GOSR1: variants seen among roughly 807,000 people sequenced by gnomAD.
GOSR1 encodes the protein 28 kDa Golgi SNARE protein.
Under a neutral mutation model 35.5 loss-of-function variants are expected in GOSR1, and 21 were observed. The observed-to-expected ratio is 0.59, with a 90% CI of 0.42 to 0.85. The LOEUF is 0.85. Among genes scored for constraint, GOSR1 ranks in the 40% least tolerant of loss-of-function variants. The pLI, the probability that GOSR1 is intolerant of heterozygous loss-of-function variation, is 0.00. For missense variants in GOSR1, 285 were observed against 309.6 expected (o/e 0.92, Z 0.60); for synonymous variants, 94 against 106.6 (o/e 0.88, Z 0.73).
chr17:30,520,069 G>A (rs1169421395), intron 8 of GOSR1, 48 bp downstream of exon 8: 3 of 1,206,978 alleles, frequency 2.5e-6, no homozygotes, highest in South Asian at 1.2e-5. Flanking sequence ...GTAGAGGGGA[G>A]AAGTGTCTGT....
chr17:30,484,315 G>A lies in GOSR1; in HGVS notation c.234+14G>A, dbSNP rs1439019604. The A allele has an allele frequency of 2.1e-6, 3 of 1,421,874 alleles. No homozygotes were observed. Among genetic ancestry groups the A allele is most frequent in the Non-Finnish European group, 3.0e-6 (3 of 1,004,686 alleles). The allele number at this position is 1,421,874 out of a possible 1,614,324, so 88.1% of individuals were successfully genotyped here. On this transcript the variant is annotated intron_variant, in intron 3 of 8. Coordinates refer to ENST00000451249, the MANE Select transcript of GOSR1 (RefSeq NM_001007025.2). Reference sequence around the variant, plus strand: ...CTTTTGGCAAGGGTAAGTGCTTTCTGTTAAATGGCTATTTTGCAAATAACT... The same window carrying A: ...CTTTTGGCAAGGGTAAGTGCTTTCTATTAAATGGCTATTTTGCAAATAACT...
At chr17:30,485,104 G>A (rs1157097547) in intron 4 of GOSR1, 2 of 352,818 alleles carry the variant, frequency 5.7e-6, no homozygotes, top group Non-Finnish European at 1.1e-5. Context: ...GGGTAAGCGT[G>A]TACTTTCAGC....
chr17:30,494,665 C>T (rs894742591), intron 6 of GOSR1, among the ~76,000 whole-genome samples: 20 of 151,498 alleles, frequency 1.3e-4, no homozygotes, highest in South Asian at 2.1e-4. Context: ...TGGAGTGTCG[C>T]GGTGTGATCT....
chr17:30,518,409 A>G (rs950233859), intron 7 of GOSR1, among the ~76,000 whole-genome samples: 4 of 149,448 alleles, frequency 2.7e-5, no homozygotes, highest in Non-Finnish European at 5.9e-5. Flanking sequence ...TCTCACCATC[A>G]TCTTCCCCAA....
At position 30,522,333 on chromosome 17, in the gene GOSR1, T is replaced by C. The variant is rs1266753622; in HGVS notation, c.702T>C (p.Val234=). 6.2e-7 allele frequency: 1 copy of C among 1,609,990 alleles called. No individual in the cohort carries two copies. Among genetic ancestry groups the C allele is most frequent in the East Asian group, 2.2e-5 (1 of 44,710 alleles). ...GGGACTCGCTCATCCTAGGGGGTGT[T>C]ATTGGGATCTGTACCATCCTGTTGC... ...KRRDSLILGG[V]IGICTILLLL... The change falls in exon 9 of 9, where the codon GTT becomes GTC. Residue 234 remains valine (V), a synonymous_variant. Transcript: ENST00000451249.
chr17:30,486,291 C>T (rs897661074), intron 4 of GOSR1, among the ~76,000 whole-genome samples: 5 of 151,416 alleles, frequency 3.3e-5, no homozygotes, highest in African/African-American at 4.8e-5. Flanking sequence ...CTGAGGTGGG[C>T]GGATCATTTG....
intron 6 of GOSR1, among the ~76,000 whole-genome samples, chr17:30,506,795 T>C (rs1341494267): frequency 6.6e-6 from 1 of 152,236 alleles, no homozygotes; most frequent in Non-Finnish European, 1.5e-5. Flanking sequence ...GCTGACTGTC[T>C]TTTTAGGTGC....
At chr17:30,482,785 C>T (rs778798343) in intron 2 of GOSR1, 1 of 152,226 alleles carries the variant, frequency 6.6e-6, no homozygotes, top group Non-Finnish European at 1.5e-5. Context: ...AAATAGATTG[C>T]ATTGCTTTGG....
rs1968172943 is a variant in GOSR1 at position 30,525,770 on chromosome 17, G to A, written c.*3392G>A. On this transcript the variant is annotated 3_prime_UTR_variant, in exon 9 of 9. Transcript: ENST00000451249. ...TGATGGCTGATGGGCCTTTCCATTA[G>A]GGTTTTGCTTATGTGAAGTAATGGA... The A allele has an allele frequency of 6.6e-6, 1 of 152,108 alleles. No individual in the cohort carries two copies. The highest frequency in any genetic ancestry group is 6.5e-5 in the Admixed American group (1 of 15,284). The allele number at this position is 152,108 out of a possible 1,614,324, so 9.4% of individuals were successfully genotyped here.
rs1360727177 is a variant in GOSR1, at chr17:30,523,969, G to C, written c.*1591G>C. On this transcript the variant is annotated 3_prime_UTR_variant, in exon 9 of 9. Coordinates refer to ENST00000451249, the MANE Select transcript of GOSR1 (RefSeq NM_001007025.2). ...TGCTGTGTCCACTCAGGGTTAAATG[G>C]ATTAAGGGTGGTGCAAGATGTGCTT... 5.1e-6 allele frequency: 1 copy of C among 194,374 alleles called. No homozygotes were observed. Among genetic ancestry groups the C allele is most frequent in the African/African-American group, 2.4e-5 (1 of 41,464 alleles). The allele number at this position is 194,374 out of a possible 1,614,324, so 12.0% of individuals were successfully genotyped here.
At chr17:30,481,324 T>A in intron 2 of GOSR1, 67 bp downstream of exon 2, 1 of 1,152,118 alleles carries the variant, frequency 8.7e-7, no homozygotes, top group Non-Finnish European at 1.3e-6. Context: ...AAAAATAAAC[T>A]AAAATATATA....
intron 6 of GOSR1, among the ~76,000 whole-genome samples, chr17:30,502,911 G>A (rs373618698): frequency 1.1e-4 from 16 of 152,206 alleles, no homozygotes; most frequent in African/African-American, 3.4e-4. Flanking sequence ...TAAGTAAGAC[G>A]TAGATCTTAA....
intron 6 of GOSR1, among the ~76,000 whole-genome samples, chr17:30,492,961 A>G (rs1034027355): frequency 2.0e-5 from 3 of 151,652 alleles, no homozygotes; most frequent in African/African-American, 7.3e-5. Context: ...AATATTTCAC[A>G]TCACTTAATT....
intron 6 of GOSR1, among the ~76,000 whole-genome samples, chr17:30,501,920 C>G (rs1489643492): frequency 6.6e-6 from 1 of 152,200 alleles, no homozygotes; most frequent in East Asian, 1.9e-4. Flanking sequence ...TGTTTTACAG[C>G]AGCTTTATTC....
chr17:30,503,779 CTG>C (rs1967298622), intron 6 of GOSR1, among the ~76,000 whole-genome samples: 1 of 152,188 alleles, frequency 6.6e-6, no homozygotes, highest in African/African-American at 2.4e-5. Context: ...TTCACTGTAA[CTG>C]TGGTGTGCTA....
chr17:30,497,190 G>A (rs980641258), intron 6 of GOSR1, among the ~76,000 whole-genome samples: 4 of 152,134 alleles, frequency 2.6e-5, no homozygotes, highest in Non-Finnish European at 4.4e-5. Context: ...TTGAGGCCAA[G>A]ACTTTGAGAT....
rs138662605 is a variant in GOSR1 at position 30,527,411 on chromosome 17, C to G, written c.*5033C>G. On this transcript the variant is annotated 3_prime_UTR_variant, in exon 9 of 9. Coordinates refer to ENST00000451249, the MANE Select transcript of GOSR1 (RefSeq NM_001007025.2). ...GGGCTTTAGTACATTAGTTGTGCAA[C>G]CAGCCCCACTGTCTAATTTTAGAGC... 6.6e-6 allele frequency: 1 copy of G among 152,134 alleles called. No homozygotes were observed. The highest frequency in any genetic ancestry group is 2.4e-5 in the African/African-American group (1 of 41,412). The allele number at this position is 152,134 out of a possible 1,614,324, so 9.4% of individuals were successfully genotyped here. A position where few individuals can be genotyped will look rare whatever the true frequency, so the allele number is the denominator to read the frequency against.
rs1300864387 is a variant in GOSR1 at position 30,481,264 on chromosome 17, G to T, written c.146+7G>T. 7 of 1,601,340 alleles carry T rather than the reference G, an allele frequency of 4.4e-6. No homozygotes were observed. The highest frequency in any genetic ancestry group is 1.3e-5 in the African/African-American group (1 of 74,676). ...GAGATGGAAGACGCGACAGGTATAG[G>T]TACTACCAGATTCTGTCTCCTATGC... On this transcript the variant is annotated splice_region_variant and intron_variant, in intron 2 of 8. Coordinates refer to ENST00000451249, the MANE Select transcript of GOSR1 (RefSeq NM_001007025.2).
At chr17:30,517,834 A>G (rs1238206516) in intron 7 of GOSR1, among the ~76,000 whole-genome samples, 1 of 152,160 alleles carries the variant, frequency 6.6e-6, no homozygotes, top group East Asian at 1.9e-4. Flanking sequence ...TCATTTGTTT[A>G]GAATATTCCT....
Sources: allele counts gnomAD v4.1 joint callset (sites outside exome capture counted in the v4.1 genomes callset), GRCh38; gene constraint gnomAD v4.1.1; transcripts MANE v1.5; gene names NCBI Gene and HGNC (gene_info 2026-07-23, HGNC 2026-07-21).